TNFSF13B: variants seen among roughly 807,000 people sequenced by gnomAD.
TNFSF13B encodes the protein tumor necrosis factor ligand superfamily member 13B.
TNFSF13B carries 8 observed loss-of-function variants against 29.1 expected under a neutral mutation model. That is an observed-to-expected ratio of 0.27 (90% confidence interval 0.16 to 0.50). TNFSF13B has a LOEUF of 0.50. Ranked by LOEUF, TNFSF13B falls within the 20% of genes least tolerant of loss-of-function variation. TNFSF13B has a pLI of 0.98. For synonymous variants in TNFSF13B, 125 were observed against 130.8 expected, an observed-to-expected ratio of 0.96 and a Z score of 0.30; for missense variants, 248 against 334.9, an observed-to-expected ratio of 0.74 and a Z score of 2.03.
chr13:108,293,691 T>G (rs1881387914), intron 3 of TNFSF13B, among the ~76,000 whole-genome samples: 1 of 152,206 alleles, frequency 6.6e-6, no homozygotes, highest in Non-Finnish European at 1.5e-5. Flanking sequence ...TGCTGTTTAG[T>G]CAGTTCAGTT....
intron 2 of TNFSF13B, among the ~76,000 whole-genome samples, chr13:108,285,421 C>G (rs1881097672): frequency 4.6e-5 from 7 of 152,310 alleles, no homozygotes; most frequent in Admixed American, 3.9e-4. Context: ...CTTACACAAA[C>G]CTAGGTGGTG....
intron 2 of TNFSF13B, among the ~76,000 whole-genome samples, chr13:108,283,822 T>C (rs1489564935): frequency 6.6e-6 from 1 of 152,116 alleles, no homozygotes; most frequent in Non-Finnish European, 1.5e-5. Flanking sequence ...GTGGGGAAAA[T>C]AGGGCAAGCT....
At chr13:108,270,724 C>G (rs1880590327) in intron 2 of TNFSF13B, among the ~76,000 whole-genome samples, 1 of 152,114 alleles carries the variant, frequency 6.6e-6, no homozygotes, top group Admixed American at 6.5e-5. Context: ...TGTGTTTCCT[C>G]AGGTAGATAA....
At chr13:108,281,588 C>T (rs547828259) in intron 2 of TNFSF13B, among the ~76,000 whole-genome samples, 23 of 152,286 alleles carry the variant, frequency 1.5e-4, no homozygotes, top group Admixed American at 5.2e-4. Context: ...TCGCTTCACA[C>T]ACAGACAGGA....
At chr13:108,300,323 G>T (rs1184548194) in intron 3 of TNFSF13B, among the ~76,000 whole-genome samples, 1 of 152,170 alleles carries the variant, frequency 6.6e-6, no homozygotes, top group African/African-American at 2.4e-5. Context: ...CAGTCATGAT[G>T]TTAAGCCCTG....
At chr13:108,303,721 G>A in intron 5 of TNFSF13B, 117 bp downstream of exon 5, 1 of 1,037,102 alleles carries the variant, frequency 9.6e-7, no homozygotes, top group Admixed American at 2.4e-5. Context: ...TAGACAGAAA[G>A]ACATTCCTCA....
rs1490479830 is a variant in TNFSF13B at position 108,295,237 on chromosome 13, C to T, written c.482-8016C>T. 9.6e-5 allele frequency among the ~76,000 whole-genome samples: 14 copies of T among 145,194 alleles called. 3 individuals carry two copies. The highest frequency in any genetic ancestry group is 1.7e-4 in the Non-Finnish European group (11 of 65,446). On this transcript the variant is annotated intron_variant, in intron 3 of 5. Coordinates refer to ENST00000375887, the MANE Select transcript of TNFSF13B (RefSeq NM_006573.5). ...TCACCCAGCCTGGAGTGCAATGGTG[C>T]GATCTCGGCTCACTGCAACCTTTGC...
intron 5 of TNFSF13B, among the ~76,000 whole-genome samples, chr13:108,305,461 G>T (rs1881744633): frequency 6.6e-6 from 1 of 152,058 alleles, no homozygotes; most frequent in African/African-American, 2.4e-5. Flanking sequence ...ATGTTAAATG[G>T]ACTCTATAGT....
Position 108,272,825 on chromosome 13 carries a change from T to C in TNFSF13B, c.424+2401T>C, listed in dbSNP as rs1460707286. Among the ~76,000 whole-genome samples the C allele has an allele frequency of 3.3e-5, 5 of 152,136 alleles. 1 individual carries two copies. The highest frequency in any genetic ancestry group is 2.1e-4 in the South Asian group (1 of 4,828). On this transcript the variant is annotated intron_variant, in intron 2 of 5. Transcript: ENST00000375887. ...CACTGCTAATATCCCCGTTTCTAAA[T>C]ATTAGTTTTAAAAATAAACTTTAAC... is the stretch of plus-strand genomic sequence containing the variant.
intron 5 of TNFSF13B, 131 bp from the exon 6 acceptor site, chr13:108,306,695 C>T (rs941497916): frequency 6.1e-5 from 34 of 555,844 alleles, no homozygotes; most frequent in African/African-American, 2.8e-4. Context: ...TTTAGAAGTC[C>T]GTTGGTGTAT....
At chr13:108,306,116 T>C (rs911084266) in intron 5 of TNFSF13B, among the ~76,000 whole-genome samples, 30 of 152,250 alleles carry the variant, frequency 2.0e-4, no homozygotes, top group African/African-American at 6.5e-4. Flanking sequence ...GTATTTTGTA[T>C]TACTAATTCA....
intron 2 of TNFSF13B, among the ~76,000 whole-genome samples, chr13:108,286,197 C>T (rs1396754254): frequency 1.3e-5 from 2 of 152,304 alleles, no homozygotes; most frequent in East Asian, 3.9e-4. Context: ...ATTCTGGTCC[C>T]ATCACTTTCT....
chr13:108,269,738 G>T lies in TNFSF13B; in HGVS notation c.-158G>T. On this transcript the variant is annotated 5_prime_UTR_variant, in exon 1 of 6. Transcript: ENST00000375887. ...ACAGTAGGGGTAGAGATGCAGAAAG[G>T]CAGAAAGGAGAAAATTCAGGATAAC... 1 of 675,298 alleles carries T rather than the reference G, an allele frequency of 1.5e-6. No individual in the cohort carries two copies. The highest frequency in any genetic ancestry group is 2.5e-6 in the Non-Finnish European group (1 of 399,182). The allele number at this position is 675,298 out of a possible 1,614,324, so 41.8% of individuals were successfully genotyped here.
At position 108,269,930 on chromosome 13, in the gene TNFSF13B, T is replaced by C; in HGVS notation, c.35T>C (p.Leu12Pro). 1.2e-6 allele frequency: 2 copies of C among 1,613,124 alleles called. No homozygotes were observed. Among genetic ancestry groups the C allele is most frequent in the Non-Finnish European group, 1.7e-6 (2 of 1,179,860 alleles). ...TCCACAGAAAGGGAGCAGTCACGCCTTACTTCTTGCCTTAAGAAAAGAGAA... is the reference window on the plus strand; with the variant it reads ...TCCACAGAAAGGGAGCAGTCACGCCCTACTTCTTGCCTTAAGAAAAGAGAA... ...DDSTEREQSR[L>P]TSCLKKREEM... is the part of the protein sequence containing the mutation. The change falls in exon 1 of 6, where the codon CTT (leucine) becomes CCT (proline). Residue 12 changes from leucine to proline, a missense_variant. This residue lies in a region of TNFSF13B where 186 missense variants were observed against 196.3 expected (regional missense o/e 0.95). Coordinates refer to ENST00000375887, the MANE Select transcript of TNFSF13B (RefSeq NM_006573.5).
chr13:108,270,541 T>C, intron 2 of TNFSF13B, 117 bp downstream of exon 2: 1 of 1,025,638 alleles, frequency 9.8e-7, no homozygotes, highest in Admixed American at 2.4e-5. Context: ...CTATGAAATT[T>C]GCCATCCAAA....
chr13:108,292,367 A>T (rs1211449746), intron 3 of TNFSF13B, among the ~76,000 whole-genome samples: 1 of 152,042 alleles, frequency 6.6e-6, no homozygotes, highest in Non-Finnish European at 1.5e-5. Flanking sequence ...CATTAAGGGT[A>T]TTTGGTTTGT....
chr13:108,274,526 T>G (rs1880713591), intron 2 of TNFSF13B, among the ~76,000 whole-genome samples: 1 of 152,096 alleles, frequency 6.6e-6, no homozygotes, highest in Non-Finnish European at 1.5e-5. Flanking sequence ...TATTCCTTGT[T>G]AATAAAATTA....
rs55675104 is a variant in TNFSF13B at position 108,303,529 on chromosome 13, T to C, written c.670T>C (p.Leu224=). Residue 224 remains leucine (L), a synonymous_variant, in exon 5 of 6, where the codon TTG becomes CTG. Transcript: ENST00000375887. ...RKKVHVFGDE[L]SLVTLFRCIQ... ...GAAGGTCCATGTCTTTGGGGATGAA[T>C]TGAGTCTGGTGACTTTGTTTCGATG... is the stretch of plus-strand genomic sequence containing the variant. 4.3e-6 allele frequency: 7 copies of C among 1,613,814 alleles called. No individual in the cohort carries two copies. In the East Asian group the frequency reaches 8.9e-5, roughly 21 times the overall value.
chr13:108,287,297 T>A (rs1881171674), intron 3 of TNFSF13B, among the ~76,000 whole-genome samples: 1 of 152,140 alleles, frequency 6.6e-6, no homozygotes, highest in Admixed American at 6.6e-5. Context: ...TCCCCAGTAC[T>A]TTTTCCACTT....
Sources: allele counts gnomAD v4.1 joint callset (sites outside exome capture counted in the v4.1 genomes callset), GRCh38; gene constraint gnomAD v4.1.1; regional missense constraint gnomAD v4.1.1; transcripts MANE v1.5; gene names NCBI Gene and HGNC (gene_info 2026-07-23, HGNC 2026-07-21).